CD247: variants seen among roughly 807,000 people sequenced by gnomAD.
CD247 encodes the protein T-cell surface glycoprotein CD3 zeta chain.
In CD247, 13 loss-of-function variants were observed where a neutral mutation model predicts 30.0. That is an observed-to-expected ratio of 0.43 (90% CI 0.28 to 0.69). The LOEUF is 0.69. Among genes scored for constraint, CD247 ranks in the 30% least tolerant of loss-of-function variants. CD247 has a pLI of 0.16. For missense variants in CD247, 193 were observed against 212.6 expected (o/e 0.91, Z 0.57); for synonymous variants, 72 against 80.0 (o/e 0.90, Z 0.53).
At chr1:167,467,768 G>C (rs889802313) in intron 1 of CD247, among the ~76,000 whole-genome samples, 1 of 152,120 alleles carries the variant, frequency 6.6e-6, no homozygotes, top group East Asian at 1.9e-4. Flanking sequence ...CAGTTTGCTC[G>C]TATCCCAGTG....
At chr1:167,453,398 C>G (rs751501375) in intron 1 of CD247, among the ~76,000 whole-genome samples, 7 of 152,186 alleles carry the variant, frequency 4.6e-5, no homozygotes, top group Non-Finnish European at 1.0e-4. Flanking sequence ...ACGCAGCACA[C>G]TGCCCTCAAG....
intron 5 of CD247, chr1:167,434,732 C>T (rs1445724360): frequency 2.2e-6 from 1 of 451,172 alleles, no homozygotes; most frequent in Admixed American, 2.4e-5. Context: ...CCTGGGAACT[C>T]CAGCAGCAGG....
chr1:167,435,831 C>T (rs1165580283), intron 4 of CD247, among the ~76,000 whole-genome samples: 1 of 152,268 alleles, frequency 6.6e-6, no homozygotes, highest in African/African-American at 2.4e-5. Flanking sequence ...GCCCTCCCCA[C>T]ACCCTCCTAG....
intron 4 of CD247, among the ~76,000 whole-genome samples, chr1:167,436,194 A>T (rs939515565): frequency 6.6e-6 from 1 of 152,250 alleles, no homozygotes; most frequent in Non-Finnish European, 1.5e-5. Flanking sequence ...ACACCACATT[A>T]ACAGAATGAA....
intron 1 of CD247, among the ~76,000 whole-genome samples, chr1:167,454,517 T>C (rs1191811936): frequency 2.0e-5 from 3 of 152,278 alleles, no homozygotes; most frequent in Non-Finnish European, 2.9e-5. Flanking sequence ...CGCCCAGCCC[T>C]GGCTCAGTAC....
intron 1 of CD247, among the ~76,000 whole-genome samples, chr1:167,458,158 GC>G (rs1343357557): frequency 6.6e-6 from 1 of 152,186 alleles, no homozygotes. Context: ...TTCCACCTGT[GC>G]CCTGCTCAGC....
intron 1 of CD247, among the ~76,000 whole-genome samples, chr1:167,444,249 C>G (rs35240301): frequency 0.029 from 4,381 of 152,308 alleles, 89 homozygotes; most frequent in African/African-American, 0.045. Flanking sequence ...TGAGGCCGCA[C>G]ACAAGGTGTA....
At chr1:167,473,711 T>C (rs1483007752) in intron 1 of CD247, among the ~76,000 whole-genome samples, 1 of 152,294 alleles carries the variant, frequency 6.6e-6, no homozygotes, top group East Asian at 1.9e-4. Context: ...GGTCAGGGTA[T>C]AGAAACCCCT....
At position 167,494,132 on chromosome 1, in the gene CD247, G is replaced by A. The variant is rs1654578409; in HGVS notation, c.58+24276C>T. Among the ~76,000 whole-genome samples, 1 of 152,056 alleles carries A rather than the reference G, an allele frequency of 6.6e-6. No individual in the cohort carries two copies. The highest frequency in any genetic ancestry group is 2.1e-4 in the South Asian group (1 of 4,816). ...AGCTAATAGGAGAAGAGGACAAGCA[G>A]GGGGACAGAACTGAGTCAGGAGACA... On this transcript the variant is annotated intron_variant, in intron 1 of 7. Coordinates refer to ENST00000362089, the MANE Select transcript of CD247 (RefSeq NM_198053.3). This position sits in a 1 kb window ranked among gnomAD's most constrained non-coding sequence, Gnocchi z 7.3.
intron 1 of CD247, among the ~76,000 whole-genome samples, chr1:167,470,991 CTTCCCGAGTAGCTGG>C (rs1653498233): frequency 6.6e-6 from 1 of 151,844 alleles, no homozygotes; most frequent in Admixed American, 6.6e-5. Flanking sequence ...CCTGCCTCAG[CTTCCCGAGTAGCTGG>C]GACTACAGGC....
chr1:167,469,840 G>A (rs1283417890), intron 1 of CD247, among the ~76,000 whole-genome samples: 1 of 152,038 alleles, frequency 6.6e-6, no homozygotes, highest in African/African-American at 2.4e-5. Context: ...CAAGACTCAG[G>A]CCTTGGACCT....
chr1:167,487,964 C>G (rs1654284385), intron 1 of CD247, among the ~76,000 whole-genome samples: 1 of 152,174 alleles, frequency 6.6e-6, no homozygotes, highest in African/African-American at 2.4e-5. Context: ...GTATTGAACT[C>G]ATGGCCTCAA....
rs1311696403 is a variant in CD247 at position 167,440,994 on chromosome 1, G to T, written c.59-227C>A. The stretch of plus-strand genomic sequence containing the variant: ...CAGATGTGGCCGCTGTGGGGCCAAA[G>T]AACCTGGGGCAATGGGAGGGGAGGT... On this transcript the variant is annotated intron_variant, in intron 1 of 7. Coordinates refer to ENST00000362089, the MANE Select transcript of CD247 (RefSeq NM_198053.3). Among the ~76,000 whole-genome samples the T allele has an allele frequency of 2.0e-5, 3 of 151,644 alleles. No homozygotes were observed. In the South Asian group the frequency reaches 6.2e-4, roughly 31 times the overall value.
intron 1 of CD247, among the ~76,000 whole-genome samples, chr1:167,506,416 C>T (rs900171263): frequency 4.8e-4 from 71 of 148,440 alleles, no homozygotes; most frequent in African/African-American, 1.7e-3. Context: ...AGTATTATCA[C>T]GGCTCACTGC....
chr1:167,489,570 G>A (rs1165650241), intron 1 of CD247, among the ~76,000 whole-genome samples: 2 of 152,202 alleles, frequency 1.3e-5, no homozygotes, highest in African/African-American at 4.8e-5. Flanking sequence ...CAGAAAAACA[G>A]GGTGTCAGAG....
intron 1 of CD247, among the ~76,000 whole-genome samples, chr1:167,476,609 G>A: frequency 6.6e-6 from 1 of 152,126 alleles, no homozygotes; most frequent in Non-Finnish European, 1.5e-5. Context: ...GATCTCTTGA[G>A]CTGAGAAGTT....
At chr1:167,460,074 TCTCC>T (rs1652921953) in intron 1 of CD247, among the ~76,000 whole-genome samples, 1 of 152,138 alleles carries the variant, frequency 6.6e-6, no homozygotes. Flanking sequence ...TGTTTTCTAC[TCTCC>T]CTCCCTAATC....
chr1:167,461,572 G>A (rs545147213), intron 1 of CD247, among the ~76,000 whole-genome samples: 2 of 152,272 alleles, frequency 1.3e-5, no homozygotes, highest in South Asian at 2.1e-4. Flanking sequence ...ATAGTCGGCC[G>A]GGCGTGGTGG....
chr1:167,486,532 C>T (rs1388128199), intron 1 of CD247, among the ~76,000 whole-genome samples: 1 of 152,252 alleles, frequency 6.6e-6, no homozygotes, highest in Admixed American at 6.5e-5. Context: ...CAGGCCCAGC[C>T]GCCGGTCCAG....
Sources: allele counts gnomAD v4.1 joint callset (sites outside exome capture counted in the v4.1 genomes callset), GRCh38; gene constraint gnomAD v4.1.1; non-coding constraint Gnocchi (gnomAD v3.1); transcripts MANE v1.5; gene names NCBI Gene and HGNC (gene_info 2026-07-23, HGNC 2026-07-21).